Variants in NRXN1 observed in about 807,000 individuals in gnomAD.
NRXN1 encodes neurexin 1.
A neutral mutation model predicts 150.9 loss-of-function variants in NRXN1; 39 were observed. The ratio of observed to expected loss-of-function variants is 0.26; its 90% CI spans 0.20 to 0.34. The LOEUF (loss-of-function observed/expected upper bound fraction) is 0.34. Among genes scored for constraint, NRXN1 ranks in the 10% least tolerant of loss-of-function variants. The pLI is 1.00. For missense variants in NRXN1, 1,815 were observed against 1,949.9 expected, an observed-to-expected ratio of 0.93 and a Z score of 1.30; for synonymous variants, 924 against 757.0, an observed-to-expected ratio of 1.22 and a Z score of -3.62.
At chr2:50,804,439 C>A (rs896076638) in intron 5 of NRXN1, among the ~76,000 whole-genome samples, 1 of 152,118 alleles carries the variant, frequency 6.6e-6, no homozygotes, top group African/African-American at 2.4e-5. Flanking sequence ...GGGATGTAAT[C>A]GCTAGTACAA....
At chr2:50,243,547 T>C (rs76094078) in intron 17 of NRXN1, among the ~76,000 whole-genome samples, 3,038 of 151,936 alleles carry the variant, frequency 0.02, 93 homozygotes, top group African/African-American at 0.07. Flanking sequence ...CATTGGAATT[T>C]CATGAAAGTG....
intron 5 of NRXN1, among the ~76,000 whole-genome samples, chr2:50,873,522 G>T (rs979924205): frequency 6.6e-6 from 1 of 151,810 alleles, no homozygotes; most frequent in African/African-American, 2.4e-5. Flanking sequence ...AATTCTGGCA[G>T]TTTTGGAGCA....
chr2:50,679,579 A>G (rs1230287316), intron 5 of NRXN1, among the ~76,000 whole-genome samples: 1 of 152,174 alleles, frequency 6.6e-6, no homozygotes, highest in Non-Finnish European at 1.5e-5. Context: ...ATTACTCACT[A>G]TTGACATGGA....
chr2:49,997,214 T>G (rs553761141), intron 21 of NRXN1, among the ~76,000 whole-genome samples: 1 of 152,038 alleles, frequency 6.6e-6, no homozygotes, highest in Non-Finnish European at 1.5e-5. Flanking sequence ...AGAGCGCATA[T>G]CTCTTGGAAG....
intron 5 of NRXN1, among the ~76,000 whole-genome samples, chr2:50,765,298 T>C (rs1702255550): frequency 6.6e-6 from 1 of 151,986 alleles, no homozygotes; most frequent in African/African-American, 2.4e-5. Context: ...ATGTAACACA[T>C]CTCTACCAGG....
intron 5 of NRXN1, among the ~76,000 whole-genome samples, chr2:50,651,050 C>G (rs535744274): frequency 6.6e-6 from 1 of 152,098 alleles, no homozygotes; most frequent in East Asian, 1.9e-4. Flanking sequence ...CAGAATACTA[C>G]TTTTAAGCAC....
chr2:50,725,225 T>C (rs12989666), intron 5 of NRXN1, among the ~76,000 whole-genome samples: 5,272 of 152,028 alleles, frequency 0.035, 143 homozygotes, highest in Non-Finnish European at 0.051. Context: ...TTTAACCTAT[T>C]AAATGTGTTG....
intron 21 of NRXN1, among the ~76,000 whole-genome samples, chr2:50,037,000 C>T (rs1360915230): frequency 6.6e-6 from 1 of 152,154 alleles, no homozygotes; most frequent in East Asian, 1.9e-4. Flanking sequence ...AAATAAAAGG[C>T]TGCCATTTTA....
At chr2:50,620,698 G>A (rs1395905441) in intron 7 of NRXN1, among the ~76,000 whole-genome samples, 1 of 152,152 alleles carries the variant, frequency 6.6e-6, no homozygotes, top group East Asian at 1.9e-4. Context: ...GGAGAGAAAA[G>A]GCAAAACAAC....
At chr2:50,695,331 T>C (rs1160485447) in intron 5 of NRXN1, among the ~76,000 whole-genome samples, 1 of 152,208 alleles carries the variant, frequency 6.6e-6, no homozygotes, top group Non-Finnish European at 1.5e-5. Flanking sequence ...TTGCCCAGCA[T>C]CAAGCTTTGC....
At chr2:50,753,557 C>T (rs1295638127) in intron 5 of NRXN1, among the ~76,000 whole-genome samples, 2 of 151,856 alleles carry the variant, frequency 1.3e-5, no homozygotes, top group Non-Finnish European at 2.9e-5. Context: ...CACTTGCAGG[C>T]CAGCTTCACA....
At position 50,321,515 on chromosome 2, in the gene NRXN1, G is replaced by T. The variant is rs1293450032; in HGVS notation, c.3365-84545C>A. The stretch of plus-strand genomic sequence containing the variant: ...CTTTAAAGAGTTTAAACAGTGCATA[G>T]CTTTATAAATTTGTAGTGAGAATCA... On this transcript the variant is annotated intron_variant, in intron 17 of 22. Transcript: ENST00000401669. Among the ~76,000 whole-genome samples the T allele has an allele frequency of 3.9e-5, 6 of 152,090 alleles. No individual in the cohort carries two copies. In the South Asian group the frequency reaches 8.3e-4, roughly 21 times the overall value.
At chr2:50,644,822 A>G (rs1355025849) in intron 5 of NRXN1, among the ~76,000 whole-genome samples, 4 of 148,556 alleles carry the variant, frequency 2.7e-5, no homozygotes, top group Non-Finnish European at 5.9e-5. Flanking sequence ...ATATGAATAT[A>G]AACATTCAGG....
chr2:50,619,348 G>C (rs1679576015), intron 8 of NRXN1: 2 of 152,012 alleles, frequency 1.3e-5, no homozygotes, highest in Admixed American at 1.3e-4. Context: ...ATGAAATTCA[G>C]GGACTTCTTC....
At chr2:50,876,180 T>A (rs915351710) in intron 5 of NRXN1, among the ~76,000 whole-genome samples, 2 of 151,818 alleles carry the variant, frequency 1.3e-5, no homozygotes, top group Non-Finnish European at 2.9e-5. Flanking sequence ...CAGAAGTACA[T>A]CTTCCTCTTG....
Position 50,372,067 on chromosome 2 carries a change from T to C in NRXN1, c.3364+93375A>G, listed in dbSNP as rs560861223. Among the ~76,000 whole-genome samples, 11 of 152,234 alleles carry C rather than the reference T, an allele frequency of 7.2e-5. No homozygotes were observed. The East Asian group carries it at 1.9e-3, about 27-fold the overall frequency. On this transcript the variant is annotated intron_variant, in intron 17 of 22. Coordinates refer to ENST00000401669, the MANE Select transcript of NRXN1 (RefSeq NM_001330078.2). The stretch of plus-strand genomic sequence containing the variant: ...ACAAAATCACTGTTGCTTACTCCAA[T>C]GTCTTTCATACATTTGAAGTAAATT...
At chr2:50,557,186 G>A (rs76935614) in intron 8 of NRXN1, among the ~76,000 whole-genome samples, 4,081 of 152,218 alleles carry the variant, frequency 0.027, 69 homozygotes, top group Non-Finnish European at 0.04. Flanking sequence ...TCAACAGAGC[G>A]GGAGTATGTG....
intron 5 of NRXN1, among the ~76,000 whole-genome samples, chr2:50,695,595 C>G (rs1470125455): frequency 6.6e-6 from 1 of 152,018 alleles, no homozygotes; most frequent in Admixed American, 6.6e-5. Flanking sequence ...TCTAGGAGCA[C>G]AAATTATTGT....
chr2:50,431,439 G>A (rs1028837291), intron 17 of NRXN1, among the ~76,000 whole-genome samples: 34 of 152,260 alleles, frequency 2.2e-4, no homozygotes, highest in Admixed American at 7.2e-4. Flanking sequence ...GCCTGAGATT[G>A]GGCATTTTTC....
Sources: gnomAD v4.1 joint callset for allele counts (sites outside exome capture counted in the v4.1 genomes callset) on GRCh38, gnomAD v4.1.1 for gene constraint, MANE v1.5 for transcripts, NCBI Gene and HGNC (gene_info 2026-07-23, HGNC 2026-07-21) for gene names.